Variants in KDM4C observed in about 807,000 individuals in gnomAD.
KDM4C encodes the protein lysine demethylase 4C, also known as lysine-specific demethylase 4C.
KDM4C carries 81 observed loss-of-function variants against 129.3 expected under a neutral mutation model. That is an observed-to-expected ratio of 0.63 (90% confidence interval 0.52 to 0.75). The LOEUF (loss-of-function observed/expected upper bound fraction) is 0.75, where lower values mean the gene tolerates loss of function less well. KDM4C is among the 30% of genes least tolerant of loss of function. The probability of loss-of-function intolerance (pLI) is 0.00; values close to 1 mark genes in which losing one functional copy is unlikely to be tolerated. For synonymous variants in KDM4C, 573 were observed against 456.1 expected, an observed-to-expected ratio of 1.26 and a Z score of -3.26; for missense variants, 1,457 against 1,304.0, an observed-to-expected ratio of 1.12 and a Z score of -1.81.
intron 11 of KDM4C, 26 bp downstream of exon 11, chr9:6,986,692 C>T (rs776402510): frequency 1.6e-5 from 25 of 1,522,848 alleles, no homozygotes; most frequent in Admixed American, 9.7e-5. Flanking sequence ...CATTTTTTAC[C>T]ATATTCATTA....
intron 8 of KDM4C, among the ~76,000 whole-genome samples, chr9:6,922,744 C>G (rs1030180006): frequency 6.6e-6 from 1 of 152,242 alleles, no homozygotes; most frequent in African/African-American, 2.4e-5. Context: ...CAGACCCTGT[C>G]TCAAAACAGA....
intron 8 of KDM4C, among the ~76,000 whole-genome samples, chr9:6,941,968 T>C (rs934428138): frequency 6.6e-6 from 1 of 152,198 alleles, no homozygotes; most frequent in African/African-American, 2.4e-5. Context: ...ATCACAAGAT[T>C]TCACATAACC....
At chr9:7,032,878 CG>C (rs1827011277) in intron 15 of KDM4C, among the ~76,000 whole-genome samples, 1 of 152,168 alleles carries the variant, frequency 6.6e-6, no homozygotes, top group Admixed American at 6.5e-5. Context: ...TTCTACTTAA[CG>C]TAGAATAATT....
intron 8 of KDM4C, among the ~76,000 whole-genome samples, chr9:6,967,781 T>C (rs953739106): frequency 6.6e-6 from 1 of 152,188 alleles, no homozygotes; most frequent in Non-Finnish European, 1.5e-5. Context: ...TGATACACAT[T>C]ATTAGTACTC....
At position 6,957,603 on chromosome 9, in the gene KDM4C, G is replaced by C. The variant is rs912267992; in HGVS notation, c.922-23322G>C. Among the ~76,000 whole-genome samples the C allele has an allele frequency of 4.6e-5, 7 of 152,120 alleles. No homozygotes were observed. The East Asian group carries it at 1.3e-3, about 29-fold the overall frequency. On this transcript the variant is annotated intron_variant, in intron 8 of 21. Coordinates refer to ENST00000381309, the MANE Select transcript of KDM4C (RefSeq NM_015061.6). ...CCACCACCACCATAAGAGATCAAAC[G>C]TGGAGGCTGCTGTTTCTCTGTGTTG...
intron 1 of KDM4C, among the ~76,000 whole-genome samples, chr9:6,775,815 C>T (rs1300169167): frequency 6.6e-6 from 1 of 152,160 alleles, no homozygotes; most frequent in Non-Finnish European, 1.5e-5. Flanking sequence ...GCCACTGCGC[C>T]CAGCGACAAA....
chr9:6,934,165 A>T (rs893030227), intron 8 of KDM4C, among the ~76,000 whole-genome samples: 8 of 137,704 alleles, frequency 5.8e-5, no homozygotes, highest in Non-Finnish European at 9.9e-5. Context: ...GGTCTTCCTG[A>T]TTGTAAAAAA....
intron 8 of KDM4C, among the ~76,000 whole-genome samples, chr9:6,917,261 C>G (rs1330846496): frequency 7.3e-6 from 1 of 136,612 alleles, no homozygotes; most frequent in Non-Finnish European, 1.6e-5. Context: ...TTCAGGCATG[C>G]CTTCCTCTGA....
chr9:7,139,537 G>T (rs577126178), intron 19 of KDM4C, among the ~76,000 whole-genome samples: 2 of 152,228 alleles, frequency 1.3e-5, no homozygotes, highest in East Asian at 3.9e-4. Context: ...GATATTAAGT[G>T]AGACTCTAAA....
At chr9:6,825,381 T>C (rs1833721787) in intron 4 of KDM4C, among the ~76,000 whole-genome samples, 1 of 152,288 alleles carries the variant, frequency 6.6e-6, no homozygotes, top group South Asian at 2.1e-4. Context: ...GACAACTGCT[T>C]CGGTAAGATA....
At chr9:6,841,408 G>C (rs946093627) in intron 4 of KDM4C, among the ~76,000 whole-genome samples, 1 of 152,188 alleles carries the variant, frequency 6.6e-6, no homozygotes. Context: ...GAAAGACTTA[G>C]CGAGAGAGTG....
At chr9:6,972,860 A>G (rs961346947) in intron 8 of KDM4C, among the ~76,000 whole-genome samples, 4 of 152,230 alleles carry the variant, frequency 2.6e-5, no homozygotes, top group African/African-American at 4.8e-5. Flanking sequence ...AAATTTGGCT[A>G]GAGAGAAATT....
chr9:6,825,508 TG>T (rs1833742716), intron 4 of KDM4C, among the ~76,000 whole-genome samples: 1 of 152,202 alleles, frequency 6.6e-6, no homozygotes, highest in African/African-American at 2.4e-5. Context: ...GATATGTTTC[TG>T]AAAGAACGAA....
intron 8 of KDM4C, among the ~76,000 whole-genome samples, chr9:6,948,757 C>G (rs977972330): frequency 6.6e-6 from 1 of 151,914 alleles, no homozygotes; most frequent in African/African-American, 2.4e-5. Context: ...TCCATTTAAC[C>G]CTGAGTGGAC....
intron 8 of KDM4C, among the ~76,000 whole-genome samples, chr9:6,976,134 G>C (rs1832875276): frequency 6.6e-6 from 1 of 152,194 alleles, no homozygotes; most frequent in African/African-American, 2.4e-5. Flanking sequence ...ATGTGATTAT[G>C]AGAGTGTAGT....
At chr9:6,737,777 A>G (rs967932666) in intron 1 of KDM4C, among the ~76,000 whole-genome samples, 2 of 152,160 alleles carry the variant, frequency 1.3e-5, no homozygotes, top group African/African-American at 4.8e-5. Flanking sequence ...TCGTTAAAGA[A>G]ATGCAAACCA....
chr9:6,925,644 G>GT (rs1822355692), intron 8 of KDM4C: 1 of 985,094 alleles, frequency 1.0e-6, no homozygotes. Flanking sequence ...GCCCTTCACC[G>GT]TTTCAGAAAG....
chr9:7,089,301 A>C (rs1487757614), intron 17 of KDM4C, among the ~76,000 whole-genome samples: 1 of 152,164 alleles, frequency 6.6e-6, no homozygotes. Flanking sequence ...TAGCACATGT[A>C]AGGGAAAAAT....
intron 5 of KDM4C, among the ~76,000 whole-genome samples, chr9:6,855,867 T>TATTC (rs899214877): frequency 9.2e-5 from 14 of 152,326 alleles, no homozygotes; most frequent in African/African-American, 2.9e-4. Context: ...GGAGCCCCAC[T>TATTC]ATTCATTCAT....
Sources: allele counts gnomAD v4.1 joint callset (sites outside exome capture counted in the v4.1 genomes callset), GRCh38; gene constraint gnomAD v4.1.1; transcripts MANE v1.5; gene names NCBI Gene and HGNC (gene_info 2026-07-23, HGNC 2026-07-21).